The following TMEM38B variants were observed in gnomAD, a reference collection of about 807,000 sequenced individuals.
TMEM38B encodes transmembrane protein 38B, also known as trimeric intracellular cation channel type B.
A neutral mutation model predicts 28.7 loss-of-function variants in TMEM38B; 24 were observed. The observed-to-expected ratio is 0.84, with a 90% CI of 0.61 to 1.18. TMEM38B has a LOEUF of 1.18. Ranked by LOEUF, TMEM38B falls within the 50% of genes most tolerant of loss-of-function variation. The probability of loss-of-function intolerance (pLI) is 0.00; values close to 1 mark genes in which losing one functional copy is unlikely to be tolerated. For synonymous variants in TMEM38B, 131 were observed against 127.7 expected, an observed-to-expected ratio of 1.03 and a Z score of -0.17; for missense variants, 380 against 350.9, an observed-to-expected ratio of 1.08 and a Z score of -0.66.
chr9:105,731,840 T>C (rs887703801), intron 4 of TMEM38B, among the ~76,000 whole-genome samples: 2 of 152,180 alleles, frequency 1.3e-5, no homozygotes, highest in African/African-American at 4.8e-5. Flanking sequence ...GATCGCTGGG[T>C]TAAATGGTAT....
At chr9:105,770,077 T>G (rs1826495946) in intron 5 of TMEM38B, among the ~76,000 whole-genome samples, 1 of 152,152 alleles carries the variant, frequency 6.6e-6, no homozygotes, top group Admixed American at 6.5e-5. Flanking sequence ...ATATATACAT[T>G]GAATAAGGTG....
At chr9:105,761,870 C>T (rs1408262279) in intron 5 of TMEM38B, among the ~76,000 whole-genome samples, 2 of 152,112 alleles carry the variant, frequency 1.3e-5, no homozygotes, top group African/African-American at 4.8e-5. Context: ...TTTTTATAAA[C>T]ATTTTTATAA....
intron 2 of TMEM38B, among the ~76,000 whole-genome samples, chr9:105,711,480 A>G (rs1364852993): frequency 1.3e-5 from 2 of 151,858 alleles, no homozygotes; most frequent in Non-Finnish European, 2.9e-5. Flanking sequence ...AATACAGAAA[A>G]CCACAAAGCC....
intron 5 of TMEM38B, chr9:105,759,900 A>G: frequency 6.3e-7 from 1 of 1,593,824 alleles, no homozygotes; most frequent in Non-Finnish European, 8.6e-7. Context: ...TCAACACACC[A>G]GTGGCTGAAA....
chr9:105,740,592 G>A (rs941453877), intron 4 of TMEM38B, among the ~76,000 whole-genome samples: 4 of 152,088 alleles, frequency 2.6e-5, no homozygotes, highest in East Asian at 3.9e-4. Flanking sequence ...ATGCTAGTAC[G>A]TGGAATTGTT....
intron 4 of TMEM38B, among the ~76,000 whole-genome samples, chr9:105,733,658 C>G (rs1057345397): frequency 1.8e-4 from 28 of 151,776 alleles, no homozygotes; most frequent in Non-Finnish European, 3.8e-4. Context: ...TTGTTATTGA[C>G]CTGTGCAGGC....
At chr9:105,694,811 C>A in intron 1 of TMEM38B, 39 bp downstream of exon 1, 1 of 1,133,886 alleles carries the variant, frequency 8.8e-7, no homozygotes, top group Non-Finnish European at 1.2e-6. Context: ...CCTCAGAGTG[C>A]TCCTGACGGC....
rs549145703 is a variant in TMEM38B at position 105,757,660 on chromosome 9, A to T, written c.660+9470A>T. 2.0e-5 allele frequency among the ~76,000 whole-genome samples: 3 copies of T among 152,342 alleles called. No homozygotes were observed. In the South Asian group the frequency reaches 6.2e-4, roughly 32 times the overall value. ...GCTCAGTAAAAGGAGTAATTGTGAA[A>T]TAGAGCTGTTGTGAAATAAAGCATA... On this transcript the variant is annotated intron_variant, in intron 5 of 5. Transcript: ENST00000374692.
intron 5 of TMEM38B, chr9:105,758,653 A>G (rs1270368590): frequency 1.3e-6 from 1 of 797,032 alleles, no homozygotes; most frequent in African/African-American, 1.7e-5. Flanking sequence ...CCTGCAACTT[A>G]GCCATTTAAA....
At chr9:105,736,356 ATTC>A (rs1324411100) in intron 4 of TMEM38B, among the ~76,000 whole-genome samples, 2 of 151,524 alleles carry the variant, frequency 1.3e-5, no homozygotes, top group African/African-American at 4.8e-5. Flanking sequence ...TTAAGTCACA[ATTC>A]TTTTTTCTAC....
intron 4 of TMEM38B, among the ~76,000 whole-genome samples, chr9:105,732,696 A>T (rs939736731): frequency 3.3e-5 from 5 of 151,888 alleles, no homozygotes; most frequent in African/African-American, 1.2e-4. Context: ...GTACCATGCT[A>T]TTTTGGTTAC....
chr9:105,752,354 C>A (rs754819155), intron 5 of TMEM38B, among the ~76,000 whole-genome samples: 1 of 152,198 alleles, frequency 6.6e-6, no homozygotes. Flanking sequence ...GGTCCCTGAT[C>A]CTGTTCCTCC....
intron 4 of TMEM38B, among the ~76,000 whole-genome samples, chr9:105,734,618 G>A (rs573293223): frequency 6.6e-6 from 1 of 152,108 alleles, no homozygotes; most frequent in Admixed American, 6.6e-5. Context: ...TTGCTCCAAT[G>A]TTGGGAACAT....
intron 2 of TMEM38B, among the ~76,000 whole-genome samples, chr9:105,706,145 C>G (rs1358575342): frequency 1.3e-5 from 2 of 152,136 alleles, no homozygotes; most frequent in East Asian, 3.9e-4. Flanking sequence ...GTGATCTGCC[C>G]GCCTCGGCCT....
intron 5 of TMEM38B, among the ~76,000 whole-genome samples, chr9:105,765,095 A>G (rs1032659754): frequency 3.3e-5 from 5 of 152,356 alleles, no homozygotes; most frequent in Non-Finnish European, 7.4e-5. Context: ...GATGGATTAA[A>G]GAAACTGGCT....
chr9:105,752,318 A>G (rs1837683778), intron 5 of TMEM38B, among the ~76,000 whole-genome samples: 1 of 152,020 alleles, frequency 6.6e-6, no homozygotes, highest in African/African-American at 2.4e-5. Flanking sequence ...CTCTACCAAA[A>G]AGCAGCCAGA....
intron 1 of TMEM38B, among the ~76,000 whole-genome samples, chr9:105,696,924 C>T (rs1835307595): frequency 1.3e-5 from 2 of 152,074 alleles, no homozygotes; most frequent in African/African-American, 2.4e-5. Context: ...GTCAACATGG[C>T]GGATGTTGGA....
chr9:105,759,017 T>C (rs1554781862), intron 5 of TMEM38B: 2 of 935,024 alleles, frequency 2.1e-6, no homozygotes, highest in South Asian at 2.6e-5. Context: ...CAAGTAAACA[T>C]GGAGTAGTTA....
intron 1 of TMEM38B, among the ~76,000 whole-genome samples, chr9:105,695,154 C>G (rs73668920): frequency 0.026 from 3,860 of 148,132 alleles, 91 homozygotes; most frequent in Middle Eastern, 0.086. Context: ...CTCGCGGTAC[C>G]GCCACTCGCT....
Sources: gnomAD v4.1 joint callset for allele counts (sites outside exome capture counted in the v4.1 genomes callset) on GRCh38, gnomAD v4.1.1 for gene constraint, MANE v1.5 for transcripts, NCBI Gene and HGNC (gene_info 2026-07-23, HGNC 2026-07-21) for gene names.